The following EPG5 variants were observed in gnomAD, a reference collection of about 807,000 sequenced individuals.
The protein encoded by EPG5 is ectopic P-granules 5 autophagy tethering factor.
Under a neutral mutation model 302.7 loss-of-function variants are expected in EPG5, and 159 were observed. The observed-to-expected ratio is 0.53, with a 90% CI of 0.46 to 0.60. The LOEUF (loss-of-function observed/expected upper bound fraction) is 0.60. Ranked by LOEUF, EPG5 falls within the 20% of genes least tolerant of loss-of-function variation. The pLI is 0.00. For missense variants in EPG5, 2,896 were observed against 3,092.4 expected, an observed-to-expected ratio of 0.94 and a Z score of 1.51; for synonymous variants, 1,158 against 1,136.8, an observed-to-expected ratio of 1.02 and a Z score of -0.37.
chr18:45,905,116 C>T (rs1253758241), intron 24 of EPG5, among the ~76,000 whole-genome samples: 9 of 152,310 alleles, frequency 5.9e-5, no homozygotes, highest in South Asian at 2.1e-4. Context: ...TCTCCCTACA[C>T]TCCCATGGGC....
At chr18:45,883,454 A>C (rs941618451) in intron 30 of EPG5, among the ~76,000 whole-genome samples, 1 of 139,292 alleles carries the variant, frequency 7.2e-6, no homozygotes. Flanking sequence ...AAAATTGTCA[A>C]GGTTGTCTTT....
chr18:45,862,669 G>T (rs538673402), intron 39 of EPG5, among the ~76,000 whole-genome samples: 22 of 152,116 alleles, frequency 1.4e-4, no homozygotes, highest in African/African-American at 5.3e-4. Context: ...CTCACTCTGC[G>T]TTCTGCCGTG....
At chr18:45,911,967 G>A (rs2049914679) in intron 22 of EPG5, among the ~76,000 whole-genome samples, 1 of 152,054 alleles carries the variant, frequency 6.6e-6, no homozygotes, top group South Asian at 2.1e-4. Context: ...GCCCCATGAC[G>A]GTCACACAGG....
intron 42 of EPG5, among the ~76,000 whole-genome samples, chr18:45,856,807 A>T (rs540177985): frequency 6.6e-6 from 1 of 152,368 alleles, no homozygotes; most frequent in South Asian, 2.1e-4. Flanking sequence ...AGTAAGTATT[A>T]TGAGAGAAAA....
intron 1 of EPG5, among the ~76,000 whole-genome samples, chr18:45,964,842 A>G (rs941569234): frequency 4.6e-5 from 7 of 152,220 alleles, no homozygotes; most frequent in African/African-American, 1.7e-4. Flanking sequence ...AATCCCAGCT[A>G]CTCGGGAGGC....
the EPG5 span, among the ~76,000 whole-genome samples, chr18:45,810,004 T>A: frequency 6.6e-6 from 1 of 151,928 alleles, no homozygotes; most frequent in Non-Finnish European, 1.5e-5. Flanking sequence ...AAAATCCAAA[T>A]AAGCTCAATA....
At chr18:45,807,875 A>C in the EPG5 span, among the ~76,000 whole-genome samples, 1 of 152,226 alleles carries the variant, frequency 6.6e-6, no homozygotes, top group Non-Finnish European at 1.5e-5. Flanking sequence ...CAAACCAAGA[A>C]GAAATCCCTG....
At chr18:45,966,047 C>T (rs1357458259) in intron 1 of EPG5, among the ~76,000 whole-genome samples, 1 of 148,782 alleles carries the variant, frequency 6.7e-6, no homozygotes, top group Non-Finnish European at 1.5e-5. Flanking sequence ...GACGACAGAG[C>T]GAGACTCCAT....
At chr18:45,837,506 CCCT>C in the EPG5 span, 1 of 1,485,760 alleles carries the variant, frequency 6.7e-7, no homozygotes, top group Non-Finnish European at 8.9e-7. Flanking sequence ...GCCCGCCCCG[CCCT>C]CAGGCTCGCC....
the EPG5 span, among the ~76,000 whole-genome samples, chr18:45,836,677 C>G: frequency 6.6e-6 from 1 of 152,246 alleles, no homozygotes; most frequent in Non-Finnish European, 1.5e-5. Context: ...AACAGCCCAC[C>G]TCTCTGGTCT....
At chr18:45,857,490 G>A (rs751692342) in intron 42 of EPG5, among the ~76,000 whole-genome samples, 9 of 152,090 alleles carry the variant, frequency 5.9e-5, no homozygotes, top group African/African-American at 2.2e-4. Context: ...TTCCCTGAAC[G>A]CCTCAAGTGC....
the EPG5 span, among the ~76,000 whole-genome samples, chr18:45,809,125 A>G: frequency 6.6e-6 from 1 of 152,230 alleles, no homozygotes; most frequent in African/African-American, 2.4e-5. Flanking sequence ...GTTTAAAAAG[A>G]CAGAAGGACA....
intron 27 of EPG5, among the ~76,000 whole-genome samples, chr18:45,891,242 T>C (rs2049338619): frequency 1.3e-5 from 2 of 152,114 alleles, no homozygotes; most frequent in African/African-American, 4.8e-5. Flanking sequence ...CTCACACCTG[T>C]AATCCCAGCA....
At chr18:45,913,861 G>C in intron 20 of EPG5, 33 bp from the exon 21 acceptor site, 1 of 1,608,574 alleles carries the variant, frequency 6.2e-7, no homozygotes, top group Non-Finnish European at 8.5e-7. Context: ...GGAGGGGAAG[G>C]AGGAGCTCGC....
intron 27 of EPG5, among the ~76,000 whole-genome samples, chr18:45,898,987 TG>T (rs2049541656): frequency 6.6e-6 from 1 of 152,018 alleles, no homozygotes; most frequent in African/African-American, 2.4e-5. Context: ...TAGCCGGGCG[TG>T]GTGGCAGGTG....
At chr18:45,903,263 ATT>A (rs895098354) in intron 25 of EPG5, among the ~76,000 whole-genome samples, 1 of 152,024 alleles carries the variant, frequency 6.6e-6, no homozygotes, top group Non-Finnish European at 1.5e-5. Context: ...AAAAAAAATT[ATT>A]GTTTCAAGAA....
At position 45,922,475 on chromosome 18, in the gene EPG5, A is replaced by G. The variant is rs202213194; in HGVS notation, c.2964T>C (p.Cys988=). Residue 988 remains cysteine (C), a synonymous_variant, in exon 16 of 44, where the codon TGT becomes TGC. Transcript: ENST00000282041. ...HKNDYGIQPN[C]PAVPFSVTVP... ...CAGTGACGGAGAAGGGAACAGCTGG[A>G]CAATTCGGCTGTATTCCATAATCGT... 7.7e-5 allele frequency: 124 copies of G among 1,614,268 alleles called. No homozygotes were observed. In the Middle Eastern group the frequency reaches 5.4e-3, roughly 71 times the overall value.
At chr18:45,891,994 G>C (rs2049362154) in intron 27 of EPG5, among the ~76,000 whole-genome samples, 1 of 152,146 alleles carries the variant, frequency 6.6e-6, no homozygotes, top group Non-Finnish European at 1.5e-5. Flanking sequence ...GGCCTGGAGA[G>C]ACAGGAGCCA....
At chr18:45,810,988 C>G in the EPG5 span, among the ~76,000 whole-genome samples, 2 of 152,248 alleles carry the variant, frequency 1.3e-5, no homozygotes, top group South Asian at 4.1e-4. Flanking sequence ...AAACTCTCAG[C>G]AATATTGGCA....
Sources: allele counts gnomAD v4.1 joint callset (sites outside exome capture counted in the v4.1 genomes callset), GRCh38; gene constraint gnomAD v4.1.1; transcripts MANE v1.5; gene names NCBI Gene and HGNC (gene_info 2026-07-23, HGNC 2026-07-21).